The following CLDN16 variants were observed in gnomAD, a reference collection of about 807,000 sequenced individuals.
The protein encoded by CLDN16 is claudin-16.
CLDN16 carries 13 observed loss-of-function variants against 24.6 expected under a neutral mutation model. That is an observed-to-expected ratio of 0.53 (90% CI 0.34 to 0.84). CLDN16 has a LOEUF of 0.84. CLDN16 is among the 40% of genes least tolerant of loss of function. The pLI, the probability that CLDN16 is intolerant of heterozygous loss-of-function variation, is 0.01. For synonymous variants in CLDN16, 116 were observed against 106.7 expected (o/e 1.09, Z -0.54); for missense variants, 298 against 292.7 (o/e 1.02, Z -0.13).
intron 1 of CLDN16, among the ~76,000 whole-genome samples, chr3:190,394,934 T>C (rs978947449): frequency 2.0e-5 from 3 of 152,144 alleles, no homozygotes; most frequent in African/African-American, 7.2e-5. Context: ...ATGAAGAGTA[T>C]ATTCTGGACT....
the CLDN16 span, among the ~76,000 whole-genome samples, chr3:190,314,527 T>A: frequency 6.6e-6 from 1 of 151,722 alleles, no homozygotes. Flanking sequence ...CCTGAGTAGC[T>A]GGGACTGCAG....
At chr3:190,322,016 C>T, upstream of CLDN16, 1 of 1,614,206 alleles carries the variant, frequency 6.2e-7, no homozygotes, top group Non-Finnish European at 8.5e-7. Flanking sequence ...AAAGACTTTG[C>T]ACTGGATCTG....
upstream of CLDN16, among the ~76,000 whole-genome samples, chr3:190,321,630 A>ATCC (rs1716924201): frequency 6.6e-6 from 1 of 152,130 alleles, no homozygotes. Context: ...AACTCTACCA[A>ATCC]TCCTCAATTT....
chr3:190,352,308 A>G (rs1020653010), intron 1 of CLDN16, among the ~76,000 whole-genome samples: 2 of 152,132 alleles, frequency 1.3e-5, no homozygotes, highest in Non-Finnish European at 2.9e-5. Flanking sequence ...TGCCTGGTAC[A>G]TATAAATTCT....
chr3:190,302,125 A>G, the CLDN16 span, among the ~76,000 whole-genome samples: 3 of 152,122 alleles, frequency 2.0e-5, no homozygotes, highest in African/African-American at 2.4e-5. Context: ...GAACTTGCAT[A>G]TGTTATTTCC....
At chr3:190,324,209 G>A (rs1229991907) in intron 1 of CLDN16, among the ~76,000 whole-genome samples, 1 of 152,168 alleles carries the variant, frequency 6.6e-6, no homozygotes, top group Non-Finnish European at 1.5e-5. Flanking sequence ...CAGGCCAGGC[G>A]CAGTGGCTCA....
At chr3:190,294,880 T>C in the CLDN16 span, among the ~76,000 whole-genome samples, 1 of 152,104 alleles carries the variant, frequency 6.6e-6, no homozygotes, top group Non-Finnish European at 1.5e-5. Flanking sequence ...GAGGATTAAA[T>C]CATGAAGTTA....
At chr3:190,372,483 A>C (rs1032340994) in intron 2 of CLDN16, among the ~76,000 whole-genome samples, 1 of 151,658 alleles carries the variant, frequency 6.6e-6, no homozygotes, top group Non-Finnish European at 1.5e-5. Flanking sequence ...TTCCCCCCCA[A>C]AATAAAAATA....
the CLDN16 span, among the ~76,000 whole-genome samples, chr3:190,293,849 G>T: frequency 1.3e-5 from 2 of 152,136 alleles, no homozygotes; most frequent in African/African-American, 4.8e-5. Context: ...GGGGACAAAG[G>T]GTCTAAAAGA....
chr3:190,360,176 A>G (rs112521319), intron 1 of CLDN16, among the ~76,000 whole-genome samples: 4,100 of 152,144 alleles, frequency 0.027, 89 homozygotes, highest in East Asian at 0.056. Flanking sequence ...AACAAACAGT[A>G]GAGGTCTAGT....
chr3:190,364,421 T>TGACA (rs1363807083), intron 1 of CLDN16, among the ~76,000 whole-genome samples: 1 of 152,070 alleles, frequency 6.6e-6, no homozygotes, highest in East Asian at 1.9e-4. Flanking sequence ...TTTGTGGTTC[T>TGACA]GACAGAACAT....
intron 1 of CLDN16, among the ~76,000 whole-genome samples, chr3:190,366,841 C>G (rs1467489986): frequency 6.6e-6 from 1 of 151,920 alleles, no homozygotes; most frequent in East Asian, 1.9e-4. Flanking sequence ...AGTCTCCCAG[C>G]AGCTTTGGGG....
intron 1 of CLDN16, among the ~76,000 whole-genome samples, chr3:190,336,557 C>A (rs923210861): frequency 6.6e-6 from 1 of 152,186 alleles, no homozygotes; most frequent in Non-Finnish European, 1.5e-5. Flanking sequence ...TTCAGTGAGG[C>A]CCTGAGCAAG....
chr3:190,294,161 G>C, the CLDN16 span, among the ~76,000 whole-genome samples: 2 of 152,138 alleles, frequency 1.3e-5, no homozygotes, highest in African/African-American at 2.4e-5. Flanking sequence ...TTTTGTGCTT[G>C]TATTTAACTT....
intron 1 of CLDN16, chr3:190,322,774 T>C (rs1716967818): frequency 1.3e-5 from 2 of 156,652 alleles, no homozygotes; most frequent in African/African-American, 4.8e-5. Flanking sequence ...AGAGCTGCAG[T>C]TTTAGGTTTA....
intron 1 of CLDN16, among the ~76,000 whole-genome samples, chr3:190,328,331 G>A (rs760095050): frequency 1.1e-4 from 16 of 152,062 alleles, no homozygotes; most frequent in Non-Finnish European, 1.8e-4. Flanking sequence ...GGATAAGACA[G>A]AATCTAGGAT....
chr3:190,404,703 G>A (rs914058028), intron 2 of CLDN16, 59 bp from the exon 3 acceptor site: 1 of 1,562,446 alleles, frequency 6.4e-7, no homozygotes, highest in African/African-American at 1.4e-5. Flanking sequence ...CTATGTCTCT[G>A]TGAGTTAATA....
chr3:190,337,754 A>C (rs1056017317), intron 1 of CLDN16, among the ~76,000 whole-genome samples: 1 of 152,220 alleles, frequency 6.6e-6, no homozygotes, highest in African/African-American at 2.4e-5. Flanking sequence ...TTCTACCAGT[A>C]GTATTTCTGT....
chr3:190,348,608 C>A (rs1717605948), intron 1 of CLDN16, among the ~76,000 whole-genome samples: 1 of 151,998 alleles, frequency 6.6e-6, no homozygotes, highest in Non-Finnish European at 1.5e-5. Flanking sequence ...AAAACTATGC[C>A]CCCATTGCCA....
Sources: allele counts gnomAD v4.1 joint callset (sites outside exome capture counted in the v4.1 genomes callset), GRCh38; gene constraint gnomAD v4.1.1; transcripts MANE v1.5; gene names NCBI Gene and HGNC (gene_info 2026-07-23, HGNC 2026-07-21).